HMGXB3: variants seen among roughly 807,000 people sequenced by gnomAD.
The protein encoded by HMGXB3 is HMG-box containing 3, also known as HMG domain-containing protein 3.
A neutral mutation model predicts 121.5 loss-of-function variants in HMGXB3; 45 were observed. The observed-to-expected ratio is 0.37, with a 90% CI of 0.29 to 0.47. The LOEUF (loss-of-function observed/expected upper bound fraction) is 0.47, where lower values mean the gene tolerates loss of function less well. HMGXB3 is among the 20% of genes least tolerant of loss of function. HMGXB3 has a pLI of 0.99. For synonymous variants in HMGXB3, 590 were observed against 624.1 expected (o/e 0.95, Z 0.81); for missense variants, 1,376 against 1,602.2 (o/e 0.86, Z 2.41).
Position 150,032,563 on chromosome 5 carries a change from A to T in HMGXB3, c.1943A>T (p.Asn648Ile), listed in dbSNP as rs1756405006. The T allele has an allele frequency of 6.4e-7, 1 of 1,552,136 alleles. No individual in the cohort carries two copies. The highest frequency in any genetic ancestry group is 2.0e-5 in the Admixed American group (1 of 50,996). ...CGAATTTGTCCCAGCTGTGGTGTTA[A>T]CCTTGCCAAAGACCGGACTGAGAAA... ...KPRICPSCGV[N>I]LAKDRTEKTT... Residue 648 changes from asparagine (N) to isoleucine (I), a missense_variant, in exon 11 of 20, where the codon AAC becomes ATC. Asn to Ile is a moderately radical substitution (Grantham distance 149, BLOSUM62 -3). Around this residue, in one of 2 missense-constraint regions of HMGXB3, gnomAD observed 1,116 missense variants for 1,369.0 expected, o/e 0.82. Coordinates refer to ENST00000502717, the MANE Select transcript of HMGXB3 (RefSeq NM_014983.3).
At chr5:150,016,262 G>T (rs1755957073) in intron 5 of HMGXB3, among the ~76,000 whole-genome samples, 1 of 151,216 alleles carries the variant, frequency 6.6e-6, no homozygotes, top group Admixed American at 6.6e-5. Context: ...GATTGCTTGG[G>T]CCCAGTAGTT....
chr5:150,015,670 A>T (rs1755943513), intron 5 of HMGXB3, among the ~76,000 whole-genome samples: 1 of 152,142 alleles, frequency 6.6e-6, no homozygotes, highest in South Asian at 2.1e-4. Flanking sequence ...ACAAATTCTG[A>T]TATGGTGTGT....
chr5:150,052,169 G>A lies in HMGXB3; in HGVS notation c.3856G>A (p.Glu1286Lys). The A allele has an allele frequency of 6.5e-7, 1 of 1,546,800 alleles. No individual in the cohort carries two copies. Among genetic ancestry groups the A allele is most frequent in the Non-Finnish European group, 8.7e-7 (1 of 1,143,950 alleles). Residue 1286 changes from glutamate (E) to lysine (K), a missense_variant, in exon 20 of 20, where the codon GAG becomes AAG. By Grantham distance (56) the Glu-to-Lys change is moderately conservative. Coordinates refer to ENST00000502717, the MANE Select transcript of HMGXB3 (RefSeq NM_014983.3). ...TETEEEGEEEEVAAVAE is the reference protein window; with the variant it reads ...TETEEEGEEEKVAAVAE ...GACAGAGGAGGAGGGTGAGGAAGAG[G>A]AGGTGGCCGCAGTGGCAGAATAAGC...
chr5:150,011,340 G>A (rs1755831495), intron 4 of HMGXB3, among the ~76,000 whole-genome samples: 1 of 152,192 alleles, frequency 6.6e-6, no homozygotes, highest in Non-Finnish European at 1.5e-5. Flanking sequence ...AGAAGTGGAA[G>A]TGGAGAGAAA....
At chr5:150,021,544 A>T in intron 6 of HMGXB3, 1 of 357,286 alleles carries the variant, frequency 2.8e-6, no homozygotes, top group South Asian at 2.8e-5. Context: ...ACAACTGGTA[A>T]TCAATGTATT....
chr5:150,010,246 T>C lies in HMGXB3; in HGVS notation c.448T>C (p.Cys150Arg). ...EDRSCPQLEL[C>R]VAQNQMSPKG... The stretch of plus-strand genomic sequence containing the variant: ...CCGGAGCTGCCCTCAGCTAGAGCTA[T>C]GTGTGGCTCAGAACCAGATGTCCCC... The change falls in exon 4 of 20, where the codon TGT (cysteine) becomes CGT (arginine). Residue 150 changes from cysteine to arginine, a missense_variant. By Grantham distance (180) the Cys-to-Arg change is radical. Transcript: ENST00000502717. 4 of 1,551,846 alleles carry C rather than the reference T, an allele frequency of 2.6e-6. No individual in the cohort carries two copies. In the East Asian group the frequency reaches 9.8e-5, roughly 38 times the overall value.
At chr5:150,013,706 G>A (rs1391776509) in intron 5 of HMGXB3, among the ~76,000 whole-genome samples, 1 of 152,334 alleles carries the variant, frequency 6.6e-6, no homozygotes, top group Admixed American at 6.5e-5. Context: ...GGACTATTCA[G>A]ACTGTCTCTT....
At position 150,052,265 on chromosome 5, in the gene HMGXB3, A is replaced by G. The variant is rs1480139710; in HGVS notation, c.*73A>G. ...GCCCTTGCCTGAGGCAGAGCTATCCAGGGGACCTGCAGAAGTGGTCTCCTG... is the reference window on the plus strand; with the variant it reads ...GCCCTTGCCTGAGGCAGAGCTATCCGGGGGACCTGCAGAAGTGGTCTCCTG... On this transcript the variant is annotated 3_prime_UTR_variant, in exon 20 of 20. Coordinates refer to ENST00000502717, the MANE Select transcript of HMGXB3 (RefSeq NM_014983.3). 2 of 1,238,480 alleles carry G rather than the reference A, an allele frequency of 1.6e-6. No homozygotes were observed. The highest frequency in any genetic ancestry group is 2.2e-6 in the Non-Finnish European group (2 of 898,002). 76.7% of individuals were successfully genotyped at this position (1,238,480 alleles called of 1,614,324 possible).
chr5:150,035,519 T>C (rs1261586239), intron 11 of HMGXB3, among the ~76,000 whole-genome samples: 1 of 152,210 alleles, frequency 6.6e-6, no homozygotes, highest in Non-Finnish European at 1.5e-5. Flanking sequence ...ATTTAACTTC[T>C]ACAGAGCCAT....
intron 13 of HMGXB3, among the ~76,000 whole-genome samples, chr5:150,039,910 A>G (rs866939614): frequency 3.3e-5 from 5 of 152,356 alleles, no homozygotes; most frequent in Middle Eastern, 3.4e-3. Context: ...TTGTGCACAT[A>G]TAAAATCACC....
At chr5:150,026,600 G>A in intron 7 of HMGXB3, 106 bp from the exon 8 acceptor site, 1 of 967,336 alleles carries the variant, frequency 1.0e-6, no homozygotes, top group East Asian at 2.7e-5. Flanking sequence ...AAGCTTGACA[G>A]TTTAACCCCA....
intron 9 of HMGXB3, among the ~76,000 whole-genome samples, chr5:150,027,343 T>C (rs762957722): frequency 1.3e-5 from 2 of 152,174 alleles, no homozygotes; most frequent in Non-Finnish European, 2.9e-5. Context: ...TAGAAAAAAG[T>C]CACAAAAATA....
intron 17 of HMGXB3, 83 bp from the exon 18 acceptor site, chr5:150,048,486 T>C (rs1756813258): frequency 1.1e-6 from 1 of 933,862 alleles, no homozygotes; most frequent in Non-Finnish European, 1.7e-6. Context: ...GCTTTGGGTG[T>C]TGGGTGAGTG....
intron 13 of HMGXB3, among the ~76,000 whole-genome samples, chr5:150,040,292 C>T (rs1288653395): frequency 6.6e-6 from 1 of 151,974 alleles, no homozygotes. Context: ...ATACTTTATT[C>T]TTTTTAATGC....
chr5:150,024,815 G>T, intron 7 of HMGXB3, 135 bp downstream of exon 7: 1 of 722,138 alleles, frequency 1.4e-6, no homozygotes, highest in South Asian at 2.1e-5. Flanking sequence ...CAGAAACCAA[G>T]GCCTAGAGAT....
intron 6 of HMGXB3, among the ~76,000 whole-genome samples, chr5:150,022,381 A>G (rs528596090): frequency 3.3e-5 from 5 of 152,358 alleles, no homozygotes; most frequent in South Asian, 4.1e-4. Context: ...GGATAAAACA[A>G]AAGATAGTAT....
At position 150,047,609 on chromosome 5, in the gene HMGXB3, T is replaced by G; in HGVS notation, c.2951-15T>G. 6.4e-7 allele frequency: 1 copy of G among 1,551,540 alleles called. No individual in the cohort carries two copies. Among genetic ancestry groups the G allele is most frequent in the Non-Finnish European group, 8.7e-7 (1 of 1,146,904 alleles). On this transcript the variant is annotated splice_polypyrimidine_tract_variant and intron_variant, in intron 16 of 19. Transcript: ENST00000502717. Reference sequence around the variant, plus strand: ...GGCGGCAGCACCCTCCCACCAGCACTGTTGTCTCTTGCAGGCAGTGGCAGT... The same window carrying G: ...GGCGGCAGCACCCTCCCACCAGCACGGTTGTCTCTTGCAGGCAGTGGCAGT...
chr5:150,051,589 G>T (rs183268830), intron 19 of HMGXB3, 136 bp from the exon 20 acceptor site: 8,019 of 678,318 alleles, frequency 0.012, 66 homozygotes, highest in Non-Finnish European at 0.017. Flanking sequence ...GCGGGCAGGG[G>T]TTGGCCTAGG....
Position 150,046,589 on chromosome 5 carries a change from G to A in HMGXB3, c.2950+904G>A, listed in dbSNP as rs866453341. Among the ~76,000 whole-genome samples, 3 of 152,220 alleles carry A rather than the reference G, an allele frequency of 2.0e-5. No individual in the cohort carries two copies. In the South Asian group the frequency reaches 6.2e-4, roughly 32 times the overall value. ...GCACTTTGGGAGGCCCAGGCGGGCG[G>A]ATCACGAGGTCAGGAGATCGAGACC... On this transcript the variant is annotated intron_variant, in intron 16 of 19. Transcript: ENST00000502717.
Sources: allele counts gnomAD v4.1 joint callset (sites outside exome capture counted in the v4.1 genomes callset), GRCh38; gene constraint gnomAD v4.1.1; regional missense constraint gnomAD v4.1.1; transcripts MANE v1.5; gene names NCBI Gene and HGNC (gene_info 2026-07-23, HGNC 2026-07-21).